The following PTPRM variants were observed in gnomAD, a reference collection of about 807,000 sequenced individuals.
PTPRM encodes the protein protein tyrosine phosphatase receptor type M.
A neutral mutation model predicts 186.7 loss-of-function variants in PTPRM; 47 were observed. The ratio of observed to expected loss-of-function variants is 0.25; its 90% CI spans 0.20 to 0.32. The LOEUF (loss-of-function observed/expected upper bound fraction) is 0.32. PTPRM is among the 10% of genes least tolerant of loss of function. PTPRM has a pLI of 1.00. For missense variants in PTPRM, 1,494 were observed against 1,865.0 expected (o/e 0.80, Z 3.66); for synonymous variants, 668 against 674.9 (o/e 0.99, Z 0.16).
intron 5 of PTPRM, among the ~76,000 whole-genome samples, chr18:7,948,700 A>C (rs2052723571): frequency 1.3e-5 from 2 of 152,184 alleles, no homozygotes; most frequent in Non-Finnish European, 2.9e-5. Context: ...AGTCCTGTTC[A>C]ATAGGGAGTA....
chr18:8,289,611 TATATATACAC>T (rs1568675786), intron 19 of PTPRM, among the ~76,000 whole-genome samples: 10 of 127,882 alleles, frequency 7.8e-5, no homozygotes, highest in African/African-American at 2.9e-4. Context: ...TACACACATA[TATATATACAC>T]ATATATATAT....
At chr18:7,581,123 A>G (rs913502295) in intron 1 of PTPRM, among the ~76,000 whole-genome samples, 1 of 152,230 alleles carries the variant, frequency 6.6e-6, no homozygotes, top group Non-Finnish European at 1.5e-5. Context: ...TTTTATATTG[A>G]ACTGAAAACC....
chr18:8,099,388 C>G (rs886698329), intron 11 of PTPRM, among the ~76,000 whole-genome samples: 8 of 152,194 alleles, frequency 5.3e-5, no homozygotes, highest in Admixed American at 1.3e-4. Context: ...TATTTCCAAT[C>G]CTGGTTCTAT....
At chr18:8,281,154 A>G (rs1251321112) in intron 19 of PTPRM, among the ~76,000 whole-genome samples, 1 of 152,242 alleles carries the variant, frequency 6.6e-6, no homozygotes, top group Non-Finnish European at 1.5e-5. Flanking sequence ...CAGCGGGCGT[A>G]GAAGCCAGAT....
intron 4 of PTPRM, among the ~76,000 whole-genome samples, chr18:7,914,560 A>T (rs1374469583): frequency 6.6e-6 from 1 of 152,130 alleles, no homozygotes; most frequent in African/African-American, 2.4e-5. Flanking sequence ...TAGTTAATGT[A>T]CATATAGAAT....
At chr18:7,885,965 T>C (rs1376451348) in intron 2 of PTPRM, among the ~76,000 whole-genome samples, 1 of 152,354 alleles carries the variant, frequency 6.6e-6, no homozygotes, top group African/African-American at 2.4e-5. Flanking sequence ...GCAACACTTA[T>C]TTTGCCGTCC....
intron 14 of PTPRM, among the ~76,000 whole-genome samples, chr18:8,144,170 G>C (rs1311280681): frequency 2.0e-5 from 3 of 152,172 alleles, no homozygotes; most frequent in Non-Finnish European, 4.4e-5. Flanking sequence ...TGAGGATGAT[G>C]ATGATGACAG....
intron 8 of PTPRM, among the ~76,000 whole-genome samples, chr18:8,072,206 G>A (rs618104): frequency 0.65 from 98,608 of 152,056 alleles, 32,237 homozygotes; most frequent in African/African-American, 0.72. Flanking sequence ...TAAGCATTTA[G>A]TTCATGTTTT....
intron 13 of PTPRM, among the ~76,000 whole-genome samples, chr18:8,126,019 A>AT (rs1446326423): frequency 0.011 from 338 of 31,852 alleles, 26 homozygotes; most frequent in African/African-American, 0.013. Flanking sequence ...ATATATATAT[A>AT]TATATATATT....
chr18:7,618,065 T>C (rs755675360), intron 1 of PTPRM, among the ~76,000 whole-genome samples: 4 of 151,964 alleles, frequency 2.6e-5, no homozygotes, highest in Non-Finnish European at 5.9e-5. Flanking sequence ...CAGACCCATA[T>C]TGGAAATATT....
At chr18:7,873,574 G>A (rs2048082507) in intron 2 of PTPRM, among the ~76,000 whole-genome samples, 1 of 152,172 alleles carries the variant, frequency 6.6e-6, no homozygotes, top group South Asian at 2.1e-4. Context: ...TACAGGTTCG[G>A]TAACAACAAG....
chr18:7,821,403 G>A (rs1284710563), intron 2 of PTPRM, among the ~76,000 whole-genome samples: 3 of 152,022 alleles, frequency 2.0e-5, no homozygotes, highest in African/African-American at 7.3e-5. Flanking sequence ...TGTTCTAGAT[G>A]CCTATGTAAA....
chr18:7,648,904 CA>C (rs1287809909), intron 1 of PTPRM, among the ~76,000 whole-genome samples: 1 of 152,166 alleles, frequency 6.6e-6, no homozygotes, highest in Non-Finnish European at 1.5e-5. Flanking sequence ...AACAGATTTT[CA>C]GTGAAGATAA....
intron 7 of PTPRM, among the ~76,000 whole-genome samples, chr18:8,000,612 T>C (rs548208470): frequency 1.3e-3 from 193 of 152,230 alleles, no homozygotes; most frequent in African/African-American, 4.4e-3. Flanking sequence ...GGGAATAGGA[T>C]CCTTAGGAAT....
intron 1 of PTPRM, among the ~76,000 whole-genome samples, chr18:7,759,160 A>T (rs1332799744): frequency 6.6e-6 from 1 of 152,226 alleles, no homozygotes; most frequent in African/African-American, 2.4e-5. Context: ...ATGAAGGGTT[A>T]CTATTTCTTA....
intron 14 of PTPRM, among the ~76,000 whole-genome samples, chr18:8,187,479 G>T (rs2093658172): frequency 6.6e-6 from 1 of 152,196 alleles, no homozygotes; most frequent in African/African-American, 2.4e-5. Context: ...TTTAGGTCAG[G>T]TGGAAGAGTT....
intron 1 of PTPRM, among the ~76,000 whole-genome samples, chr18:7,659,323 C>T (rs1215790573): frequency 6.6e-6 from 1 of 152,142 alleles, no homozygotes; most frequent in Non-Finnish European, 1.5e-5. Context: ...GTCTCCAGAA[C>T]AATGTCTGGC....
chr18:7,819,963 A>C (rs1327777298), intron 2 of PTPRM, among the ~76,000 whole-genome samples: 1 of 152,238 alleles, frequency 6.6e-6, no homozygotes, highest in Non-Finnish European at 1.5e-5. Flanking sequence ...GCCAGGAGCC[A>C]TTGAAGTGAT....
chr18:7,772,586 G>C (rs999322333), intron 1 of PTPRM, among the ~76,000 whole-genome samples: 6 of 151,456 alleles, frequency 4.0e-5, no homozygotes, highest in African/African-American at 1.5e-4. Flanking sequence ...CCTTTTTAAG[G>C]GGGGATGTTC....
Sources: allele counts gnomAD v4.1 joint callset (sites outside exome capture counted in the v4.1 genomes callset), GRCh38; gene constraint gnomAD v4.1.1; transcripts MANE v1.5; gene names NCBI Gene and HGNC (gene_info 2026-07-23, HGNC 2026-07-21).